Variants in SRL observed in about 807,000 individuals in gnomAD.
SRL encodes the protein sarcalumenin.
SRL carries 23 observed loss-of-function variants against 39.5 expected under a neutral mutation model. That is an observed-to-expected ratio of 0.58 (90% confidence interval 0.42 to 0.82). The LOEUF (loss-of-function observed/expected upper bound fraction) is 0.82, where lower values mean the gene tolerates loss of function less well. Ranked by LOEUF, SRL falls within the 40% of genes least tolerant of loss-of-function variation. The probability of loss-of-function intolerance (pLI) is 0.00; values close to 1 mark genes in which losing one functional copy is unlikely to be tolerated. For missense variants in SRL, 592 were observed against 607.8 expected (o/e 0.97, Z 0.27); for synonymous variants, 272 against 237.4 (o/e 1.15, Z -1.34).
At chr16:4,224,430 G>A (rs2052564750) in intron 1 of SRL, among the ~76,000 whole-genome samples, 1 of 152,130 alleles carries the variant, frequency 6.6e-6, no homozygotes, top group Non-Finnish European at 1.5e-5. Context: ...GTGAGGCCAG[G>A]CACGGTGGTT....
intron 1 of SRL, among the ~76,000 whole-genome samples, chr16:4,232,723 G>A (rs901847422): frequency 1.3e-5 from 2 of 152,134 alleles, no homozygotes; most frequent in Admixed American, 1.3e-4. Flanking sequence ...TGTTGCCCAA[G>A]GTACTCTTGA....
chr16:4,218,468 C>T (rs953429766), intron 1 of SRL, among the ~76,000 whole-genome samples: 3 of 152,148 alleles, frequency 2.0e-5, no homozygotes, highest in Admixed American at 1.3e-4. Context: ...AGAAACCACT[C>T]GGGCCTGGAG....
At chr16:4,211,643 GTGA>G (rs1284941581) in intron 1 of SRL, among the ~76,000 whole-genome samples, 1 of 141,414 alleles carries the variant, frequency 7.1e-6, no homozygotes, top group Non-Finnish European at 1.5e-5. Context: ...GATGATGATG[GTGA>G]TGATGATGGT....
chr16:4,194,899 CT>C (rs899424989), intron 5 of SRL, among the ~76,000 whole-genome samples: 23 of 147,430 alleles, frequency 1.6e-4, no homozygotes, highest in East Asian at 2.0e-4. Context: ...TCTTTTCTTC[CT>C]TTTTTTTTTT....
At chr16:4,204,480 G>A in intron 2 of SRL, 53 bp downstream of exon 2, 2 of 1,540,718 alleles carry the variant, frequency 1.3e-6, no homozygotes, top group Admixed American at 1.7e-5. Flanking sequence ...GTCTGCCCGG[G>A]CCCTGGTGGC....
intron 4 of SRL, among the ~76,000 whole-genome samples, chr16:4,197,269 C>T (rs2052161867): frequency 6.6e-6 from 1 of 151,550 alleles, no homozygotes; most frequent in Non-Finnish European, 1.5e-5. Context: ...GGGGTTTCAC[C>T]ATGTTGGCCA....
At chr16:4,223,921 T>C (rs991599343) in intron 1 of SRL, among the ~76,000 whole-genome samples, 6 of 152,120 alleles carry the variant, frequency 3.9e-5, no homozygotes, top group East Asian at 1.9e-4. Flanking sequence ...CAAAAGCTGA[T>C]GTCCATCAGC....
chr16:4,235,043 C>T (rs2052700964), intron 1 of SRL, among the ~76,000 whole-genome samples: 2 of 152,188 alleles, frequency 1.3e-5, no homozygotes, highest in Admixed American at 1.3e-4. Flanking sequence ...CTGCAGCTCC[C>T]CCCATGACCA....
chr16:4,213,505 G>A (rs981054460), intron 1 of SRL, among the ~76,000 whole-genome samples: 16 of 145,486 alleles, frequency 1.1e-4, no homozygotes, highest in Non-Finnish European at 1.9e-4. Context: ...CACCTCCTGG[G>A]CTCAAGGGAT....
chr16:4,192,312 G>A lies in SRL; in HGVS notation c.1263C>T (p.Ser421=), dbSNP rs1188050994. 5.6e-6 allele frequency: 9 copies of A among 1,614,170 alleles called. No individual in the cohort carries two copies. In the Admixed American group the frequency reaches 1.3e-4, roughly 24 times the overall value. The change falls in exon 6 of 6, where the codon TCC becomes TCT. Residue 421 remains serine (S), a synonymous_variant. Transcript: ENST00000399609. The surrounding 1 kb of genome is among the most constrained non-coding windows in gnomAD (Gnocchi z 4.0). Reference sequence around the variant, plus strand: ...TCTCCAGAAAGCAACCTCCCATGTAGGAGCACTGCTGGGAGAGCAGTTTGA... The same window carrying A: ...TCTCCAGAAAGCAACCTCCCATGTAAGAGCACTGCTGGGAGAGCAGTTTGA... ...SSFKLLSQQC[S]YMGGCFLEKI...
In SRL at chr16:4,196,686, G is replaced by C. The variant is rs146618489; in HGVS notation, c.377-900C>G. The stretch of plus-strand genomic sequence containing the variant: ...AGTAGAGACAAGGTTTCACCATCTT[G>C]GCCAGGCTGGTCTTGAAGTCCTGAC... On this transcript the variant is annotated intron_variant, in intron 4 of 5. Coordinates refer to ENST00000399609, the MANE Select transcript of SRL (RefSeq NM_001098814.2). Among the ~76,000 whole-genome samples the C allele has an allele frequency of 9.0e-3, 1,372 of 152,062 alleles. 27 individuals are homozygous for C. Among genetic ancestry groups the C allele is most frequent in the African/African-American group, 0.03 (1,262 of 41,510 alleles).
intron 5 of SRL, 90 bp from the exon 6 acceptor site, chr16:4,193,054 G>A: frequency 8.7e-7 from 1 of 1,153,508 alleles, no homozygotes; most frequent in Non-Finnish European, 1.2e-6. Context: ...TCTGGGGGTT[G>A]AAAGAAGGAA....
intron 1 of SRL, among the ~76,000 whole-genome samples, chr16:4,220,365 T>C (rs567059795): frequency 6.6e-6 from 1 of 151,302 alleles, no homozygotes; most frequent in East Asian, 1.9e-4. Flanking sequence ...CGAGAATTGC[T>C]TGAACCCGGG....
chr16:4,193,005 C>A, intron 5 of SRL, 41 bp from the exon 6 acceptor site: 2 of 1,543,404 alleles, frequency 1.3e-6, no homozygotes, highest in Non-Finnish European at 1.8e-6. Context: ...GAGTAGGCCT[C>A]CCTCAAAGCC....
At chr16:4,235,828 G>A (rs112721205) in intron 1 of SRL, among the ~76,000 whole-genome samples, 8 of 152,148 alleles carry the variant, frequency 5.3e-5, no homozygotes, top group African/African-American at 1.4e-4. Context: ...GGTGGCTCAC[G>A]CCTGTAATCC....
chr16:4,198,221 A>G (rs1211530273), intron 3 of SRL, among the ~76,000 whole-genome samples: 1 of 152,234 alleles, frequency 6.6e-6, no homozygotes, highest in East Asian at 1.9e-4. Flanking sequence ...TCTCCTGGTT[A>G]AATCTGGAGG....
chr16:4,217,309 T>C (rs566081463), intron 1 of SRL, among the ~76,000 whole-genome samples: 43 of 152,302 alleles, frequency 2.8e-4, no homozygotes, highest in Non-Finnish European at 5.9e-5. Context: ...CTCTGTCACC[T>C]GGACTGGAGT....
At chr16:4,238,656 G>C (rs1467738345) in intron 1 of SRL, among the ~76,000 whole-genome samples, 1 of 147,806 alleles carries the variant, frequency 6.8e-6, no homozygotes, top group Non-Finnish European at 1.5e-5. Context: ...ACAAGGTCTC[G>C]CTCTGTCACC....
intron 1 of SRL, among the ~76,000 whole-genome samples, chr16:4,211,244 T>C (rs779898029): frequency 2.6e-5 from 4 of 152,066 alleles, no homozygotes; most frequent in Non-Finnish European, 4.4e-5. Flanking sequence ...ACCCCCAGGC[T>C]TCAGCTCCCA....
Sources: gnomAD v4.1 joint callset for allele counts (sites outside exome capture counted in the v4.1 genomes callset) on GRCh38, gnomAD v4.1.1 for gene constraint, Gnocchi (gnomAD v3.1) non-coding constraint, MANE v1.5 for transcripts, NCBI Gene and HGNC (gene_info 2026-07-23, HGNC 2026-07-21) for gene names.